MIGA1: variants seen among roughly 807,000 people sequenced by gnomAD.
MIGA1 encodes family with sequence similarity 73, member A.
In MIGA1, 58 loss-of-function variants were observed where a neutral mutation model predicts 82.0. The ratio of observed to expected loss-of-function variants is 0.71; its 90% CI spans 0.57 to 0.88. The LOEUF is 0.88. Among genes scored for constraint, MIGA1 ranks in the 40% least tolerant of loss-of-function variants. MIGA1 has a pLI of 0.00. For missense variants in MIGA1, 751 were observed against 749.1 expected (o/e 1.00, Z -0.03); for synonymous variants, 249 against 253.6 (o/e 0.98, Z 0.17).
intron 7 of MIGA1, among the ~76,000 whole-genome samples, chr1:77,833,603 G>A (rs941486091): frequency 1.3e-5 from 2 of 152,148 alleles, no homozygotes; most frequent in Non-Finnish European, 2.9e-5. Context: ...AAGCCCCTTG[G>A]GAGGGGACCT....
Position 77,875,131 on chromosome 1 carries a change from CAT to C in MIGA1, c.*72_*73del. The C allele has an allele frequency of 7.9e-7, 1 of 1,272,736 alleles. No homozygotes were observed. Among genetic ancestry groups the C allele is most frequent in the Non-Finnish European group, 1.1e-6 (1 of 895,856 alleles). 78.8% of individuals were successfully genotyped at this position (1,272,736 alleles called of 1,614,324 possible). ...TTTAAGGTAACTATTGATTTTGTAA[CAT>C]ATATTACAAAGTTAACAGAATTGAT... On this transcript the variant is annotated 3_prime_UTR_variant, in exon 16 of 16. Transcript: ENST00000370791.
intron 5 of MIGA1, chr1:77,811,811 C>T: frequency 7.2e-6 from 11 of 1,523,282 alleles, no homozygotes; most frequent in Non-Finnish European, 9.7e-6. Flanking sequence ...CCCTCCCGCC[C>T]CTACCCCAGC....
In MIGA1 at chr1:77,870,880, G is replaced by C. The variant is rs1246048323; in HGVS notation, c.1564-2124G>C. Reference sequence around the variant, plus strand: ...GCGGATCACTCGCGGTTAGGAGCTGGAGACCAGCCCGGCCAACACAGCAAA... The same window carrying C: ...GCGGATCACTCGCGGTTAGGAGCTGCAGACCAGCCCGGCCAACACAGCAAA... On this transcript the variant is annotated intron_variant, in intron 14 of 15. Coordinates refer to ENST00000370791, the MANE Select transcript of MIGA1 (RefSeq NM_198549.4). Among the ~76,000 whole-genome samples the C allele has an allele frequency of 2.0e-5, 3 of 149,320 alleles. No individual in the cohort carries two copies. In the East Asian group the frequency reaches 6.1e-4, roughly 30 times the overall value.
chr1:77,824,594 G>T (rs1683959795), intron 7 of MIGA1, among the ~76,000 whole-genome samples: 1 of 152,170 alleles, frequency 6.6e-6, no homozygotes, highest in Non-Finnish European at 1.5e-5. Context: ...TGATATTTTG[G>T]AAGGAGGTGA....
chr1:77,807,569 G>A (rs1047511443), intron 5 of MIGA1, among the ~76,000 whole-genome samples: 1 of 149,994 alleles, frequency 6.7e-6, no homozygotes, highest in Admixed American at 6.6e-5. Flanking sequence ...CATTGTGTTA[G>A]TTTAAACTAA....
rs745441838 is a variant in MIGA1 at position 77,861,307 on chromosome 1, A to C, written c.1359A>C (p.Glu453Asp). 3 of 1,609,698 alleles carry C rather than the reference A, an allele frequency of 1.9e-6. No individual in the cohort carries two copies. In the South Asian group the frequency reaches 3.3e-5, roughly 18 times the overall value. ...ATCACTGGGGTAGTACTGAAATGGA[A>C]CTTGCTGCTAGAGGGGTAAATTCAA... is the stretch of plus-strand genomic sequence containing the variant. The change falls in exon 12 of 16, where the codon GAA becomes GAC. Residue 453 changes from glutamate (E) to aspartate (D), a missense_variant. By Grantham distance (45) the Glu-to-Asp change is conservative. Around this residue, in one of 3 missense-constraint regions of MIGA1, gnomAD observed 265 missense variants for 293.6 expected, o/e 0.90. Coordinates refer to ENST00000370791, the MANE Select transcript of MIGA1 (RefSeq NM_198549.4).
intron 14 of MIGA1, 40 bp from the exon 15 acceptor site, chr1:77,872,964 G>C: frequency 1.2e-6 from 2 of 1,610,528 alleles, no homozygotes; most frequent in Non-Finnish European, 1.7e-6. Context: ...CAAGTAACAA[G>C]AAGGTAGAAG....
Position 77,873,817 on chromosome 1 carries a change from C to G in MIGA1, c.1680+697C>G, listed in dbSNP as rs1030168496. 7.9e-5 allele frequency among the ~76,000 whole-genome samples: 12 copies of G among 152,174 alleles called. No individual in the cohort carries two copies. In the South Asian group the frequency reaches 2.5e-3, roughly 32 times the overall value. On this transcript the variant is annotated intron_variant, in intron 15 of 15. Coordinates refer to ENST00000370791, the MANE Select transcript of MIGA1 (RefSeq NM_198549.4). ...TTTTAAAATTATGTTTATGTGCTGT[C>G]AAGGTAATATTTTTATAAATGGTTT... is the stretch of plus-strand genomic sequence containing the variant.
chr1:77,815,595 G>T (rs1187540088), intron 7 of MIGA1, among the ~76,000 whole-genome samples: 1 of 152,158 alleles, frequency 6.6e-6, no homozygotes, highest in African/African-American at 2.4e-5. Flanking sequence ...ATACTTTAAA[G>T]AATTATGTAT....
At chr1:77,866,047 G>A (rs1309439110) in intron 13 of MIGA1, among the ~76,000 whole-genome samples, 1 of 151,984 alleles carries the variant, frequency 6.6e-6, no homozygotes, top group Non-Finnish European at 1.5e-5. Context: ...CGAGTATCTG[G>A]GTCTACAGGC....
intron 1 of MIGA1, chr1:77,782,847 C>T: frequency 1.0e-6 from 1 of 984,474 alleles, no homozygotes; most frequent in Non-Finnish European, 1.2e-6. Flanking sequence ...CCTACTCTCA[C>T]CCCCGCAGTT....
intron 14 of MIGA1, among the ~76,000 whole-genome samples, chr1:77,868,931 AATTT>A (rs1045684734): frequency 1.3e-4 from 19 of 147,496 alleles, no homozygotes; most frequent in South Asian, 4.3e-4. Context: ...TTTTTTTTTT[AATTT>A]ATTTATTTTT....
In MIGA1 at chr1:77,799,632, TC is replaced by T. The variant is rs1243203430; in HGVS notation, c.196-1698del. 3.3e-5 allele frequency among the ~76,000 whole-genome samples: 5 copies of T among 152,316 alleles called. No individual in the cohort carries two copies. In the East Asian group the frequency reaches 9.6e-4, roughly 29 times the overall value. On this transcript the variant is annotated intron_variant, in intron 2 of 15. Transcript: ENST00000370791. ...AAGGTTTTTAACTACCTATTCAATT[TC>T]TTTAATAGATATTTAACTGCTTGTG... is the stretch of plus-strand genomic sequence containing the variant.
At chr1:77,865,525 G>A (rs562206226) in intron 13 of MIGA1, among the ~76,000 whole-genome samples, 334 of 152,056 alleles carry the variant, frequency 2.2e-3, no homozygotes, top group Middle Eastern at 0.01. Flanking sequence ...CCTTGGAGGC[G>A]GAGGTTGCAG....
intron 2 of MIGA1, among the ~76,000 whole-genome samples, chr1:77,798,462 A>G (rs1210717750): frequency 1.3e-5 from 2 of 152,226 alleles, no homozygotes; most frequent in Non-Finnish European, 2.9e-5. Context: ...GGCGGCAGAC[A>G]AGAGAGAAGT....
rs1419916060 is a variant in MIGA1 at position 77,879,086 on chromosome 1, A to G, written c.*4022A>G. ...AAAGTAACATTTAATGTACTTCTCT[A>G]TAACTTTTCATAATCAGAAATTTTA... is the stretch of plus-strand genomic sequence containing the variant. On this transcript the variant is annotated 3_prime_UTR_variant, in exon 16 of 16. Coordinates refer to ENST00000370791, the MANE Select transcript of MIGA1 (RefSeq NM_198549.4). 1.6e-5 allele frequency: 3 copies of G among 183,674 alleles called. No individual in the cohort carries two copies. The highest frequency in any genetic ancestry group is 2.0e-4 in the South Asian group (1 of 5,088). 11.4% of individuals were successfully genotyped at this position (183,674 alleles called of 1,614,324 possible).
chr1:77,806,986 C>T lies in MIGA1; in HGVS notation c.522C>T (p.Val174=). 6.2e-7 allele frequency: 1 copy of T among 1,611,000 alleles called. No homozygotes were observed. Among genetic ancestry groups the T allele is most frequent in the Non-Finnish European group, 8.5e-7 (1 of 1,178,150 alleles). The change falls in exon 5 of 16, where the codon GTC becomes GTT. Residue 174 remains valine (V), a synonymous_variant. Transcript: ENST00000370791. ...CATCTTAATTTTAGGTCCAGAGTGTCAATTCTTGTCATAGCTGCGCTTGTG... is the reference window on the plus strand; with the variant it reads ...CATCTTAATTTTAGGTCCAGAGTGTTAATTCTTGTCATAGCTGCGCTTGTG...
intron 6 of MIGA1, 53 bp from the exon 7 acceptor site, chr1:77,815,046 AAATATTTAG>A: frequency 8.4e-7 from 1 of 1,192,246 alleles, no homozygotes; most frequent in Non-Finnish European, 1.1e-6. Context: ...AAAGTGGGAA[AAATATTTAG>A]AATTTTAACA....
chr1:77,824,051 C>G (rs989950274), intron 7 of MIGA1, among the ~76,000 whole-genome samples: 2 of 152,026 alleles, frequency 1.3e-5, no homozygotes, highest in Non-Finnish European at 2.9e-5. Context: ...ATCCAAGAAG[C>G]CATTAAATAT....
Sources: allele counts gnomAD v4.1 joint callset (sites outside exome capture counted in the v4.1 genomes callset), GRCh38; gene constraint gnomAD v4.1.1; regional missense constraint gnomAD v4.1.1; transcripts MANE v1.5; gene names NCBI Gene and HGNC (gene_info 2026-07-23, HGNC 2026-07-21).